Variants in DIP2B observed in about 807,000 individuals in gnomAD.
DIP2B encodes DIP2 acetate--CoA ligase B (putative).
DIP2B carries 76 observed loss-of-function variants against 198.0 expected under a neutral mutation model. The ratio of observed to expected loss-of-function variants is 0.38; its 90% confidence interval spans 0.32 to 0.46. DIP2B has a LOEUF of 0.46. DIP2B is among the 20% of genes least tolerant of loss of function. The pLI is 0.99. For missense variants in DIP2B, 1,559 were observed against 1,978.4 expected (o/e 0.79, Z 4.02); for synonymous variants, 701 against 739.1 (o/e 0.95, Z 0.84).
chr12:50,517,282 TC>T (rs1345602353), intron 1 of DIP2B, among the ~76,000 whole-genome samples: 1 of 151,826 alleles, frequency 6.6e-6, no homozygotes, highest in East Asian at 1.9e-4. Context: ...TTGCATTGTT[TC>T]CCAGGCTGAT....
At chr12:50,606,880 C>T (rs1035063435) in intron 1 of DIP2B, among the ~76,000 whole-genome samples, 1 of 151,728 alleles carries the variant, frequency 6.6e-6, no homozygotes, top group Admixed American at 6.6e-5. Context: ...TATCTTGGCT[C>T]ACTGTAGCTT....
At chr12:50,566,971 C>CAAAAAAAAAA (rs34854416) in intron 1 of DIP2B, among the ~76,000 whole-genome samples, 4 of 78,426 alleles carry the variant, frequency 5.1e-5, no homozygotes, top group Non-Finnish European at 9.3e-5. Flanking sequence ...GACTCCGTCT[C>CAAAAAAAAAA]AAAAAAAAAA....
intron 22 of DIP2B, among the ~76,000 whole-genome samples, chr12:50,713,347 C>T (rs1939653942): frequency 6.6e-6 from 1 of 152,180 alleles, no homozygotes; most frequent in South Asian, 2.1e-4. Context: ...GACCTATGAA[C>T]AGAAGTTTTT....
At chr12:50,720,120 G>A (rs952341479) in intron 25 of DIP2B, among the ~76,000 whole-genome samples, 3 of 151,480 alleles carry the variant, frequency 2.0e-5, no homozygotes, top group Non-Finnish European at 2.9e-5. Flanking sequence ...TATTAGAGAC[G>A]GGCTTTCACA....
intron 9 of DIP2B, 103 bp from the exon 10 acceptor site, chr12:50,683,035 A>G: frequency 1.0e-6 from 1 of 999,602 alleles, no homozygotes; most frequent in Non-Finnish European, 1.5e-6. Context: ...AAATAGTTTG[A>G]TTTATTGTGT....
intron 23 of DIP2B, among the ~76,000 whole-genome samples, chr12:50,717,253 A>G (rs1421380707): frequency 5.1e-5 from 7 of 136,078 alleles, no homozygotes; most frequent in Non-Finnish European, 7.9e-5. Flanking sequence ...CCTTGCTGAC[A>G]TTTTTTTCCC....
intron 9 of DIP2B, 116 bp from the exon 10 acceptor site, chr12:50,683,022 G>T (rs1206096175): frequency 1.1e-6 from 1 of 891,688 alleles, no homozygotes; most frequent in Non-Finnish European, 1.7e-6. Context: ...GCAGATGGCT[G>T]TTAAATAGTT....
chr12:50,688,348 A>G (rs893370651), intron 12 of DIP2B, among the ~76,000 whole-genome samples: 1 of 152,160 alleles, frequency 6.6e-6, no homozygotes, highest in Non-Finnish European at 1.5e-5. Flanking sequence ...AGATCTAAGT[A>G]TCTTTAAAAG....
At chr12:50,686,761 T>C (rs1469201948) in intron 12 of DIP2B, 79 bp downstream of exon 12, 1 of 1,357,576 alleles carries the variant, frequency 7.4e-7, no homozygotes, top group East Asian at 2.5e-5. Flanking sequence ...TAAAACTGAA[T>C]TTTTGCAACG....
chr12:50,670,033 C>T (rs564990151), intron 4 of DIP2B, among the ~76,000 whole-genome samples: 3 of 152,224 alleles, frequency 2.0e-5, no homozygotes, highest in Admixed American at 6.5e-5. Context: ...ACCAAATGCC[C>T]TCTTTAACTG....
intron 1 of DIP2B, among the ~76,000 whole-genome samples, chr12:50,535,023 G>A (rs1958251255): frequency 6.6e-6 from 1 of 152,046 alleles, no homozygotes; most frequent in African/African-American, 2.4e-5. Flanking sequence ...GAGCTCGGGA[G>A]TTTGAGACCA....
chr12:50,512,087 G>A (rs1487765042), intron 1 of DIP2B, among the ~76,000 whole-genome samples: 1 of 147,014 alleles, frequency 6.8e-6, no homozygotes, highest in Non-Finnish European at 1.5e-5. Context: ...ACCAAGTCTC[G>A]CCTTAGCTCA....
intron 8 of DIP2B, chr12:50,679,590 T>A (rs1939003073): frequency 6.6e-6 from 1 of 152,228 alleles, no homozygotes; most frequent in Non-Finnish European, 1.5e-5. Context: ...CCTTATCTCA[T>A]AATCTAAAAT....
intron 3 of DIP2B, among the ~76,000 whole-genome samples, chr12:50,653,456 C>T (rs1938498083): frequency 1.3e-5 from 2 of 151,200 alleles, no homozygotes; most frequent in African/African-American, 4.9e-5. Context: ...GCCCCTACCC[C>T]CAGCCCTGGG....
In DIP2B at chr12:50,698,436, G is replaced by A. The variant is rs781288129; in HGVS notation, c.2157G>A (p.Thr719=). Residue 719 remains threonine, a synonymous_variant, in exon 18 of 38, where the codon ACG becomes ACA. Transcript: ENST00000301180. The stretch of plus-strand genomic sequence containing the variant: ...CTGAAGATAAAAATTCAGCACTGAC[G>A]GTCCAGGATGTAGGGCATGTAATGC... ...VNTEDKNSAL[T]VQDVGHVMPG... The A allele has an allele frequency of 4.3e-5, 69 of 1,613,712 alleles. No homozygotes were observed. The highest frequency in any genetic ancestry group is 1.6e-4 in the Middle Eastern group (1 of 6,082).
At chr12:50,665,764 A>G (rs2139517856) in intron 4 of DIP2B, among the ~76,000 whole-genome samples, 1 of 151,716 alleles carries the variant, frequency 6.6e-6, no homozygotes, top group African/African-American at 2.4e-5. Context: ...TGACAGAGTG[A>G]AACCTCAACT....
chr12:50,569,706 A>G (rs545634003), intron 1 of DIP2B, among the ~76,000 whole-genome samples: 2 of 152,330 alleles, frequency 1.3e-5, no homozygotes, highest in South Asian at 4.1e-4. Flanking sequence ...GTGTTTTACT[A>G]AACTATACTG....
chr12:50,705,341 G>C (rs1437758685), intron 20 of DIP2B, among the ~76,000 whole-genome samples: 1 of 152,126 alleles, frequency 6.6e-6, no homozygotes, highest in Non-Finnish European at 1.5e-5. Flanking sequence ...CTACACCTTT[G>C]TCTTGACTTT....
At chr12:50,512,518 CA>C (rs1958027620) in intron 1 of DIP2B, among the ~76,000 whole-genome samples, 2 of 152,126 alleles carry the variant, frequency 1.3e-5, no homozygotes, top group South Asian at 4.1e-4. Flanking sequence ...TTGGTCACTT[CA>C]ATTTGAATTG....
Sources: gnomAD v4.1 joint callset for allele counts (sites outside exome capture counted in the v4.1 genomes callset) on GRCh38, gnomAD v4.1.1 for gene constraint, MANE v1.5 for transcripts, NCBI Gene and HGNC (gene_info 2026-07-23, HGNC 2026-07-21) for gene names.